Variants in UNC5D observed in about 807,000 individuals in gnomAD.
UNC5D encodes the protein netrin receptor UNC5D.
Under a neutral mutation model 105.4 loss-of-function variants are expected in UNC5D, and 39 were observed. The ratio of observed to expected loss-of-function variants is 0.37; its 90% CI spans 0.29 to 0.48. The LOEUF is 0.48. UNC5D is among the 20% of genes least tolerant of loss of function. The pLI, the probability that UNC5D is intolerant of heterozygous loss-of-function variation, is 0.98. For synonymous variants in UNC5D, 452 were observed against 450.4 expected (o/e 1.00, Z -0.04); for missense variants, 991 against 1,202.4 (o/e 0.82, Z 2.60).
intron 1 of UNC5D, among the ~76,000 whole-genome samples, chr8:35,456,820 G>A (rs1009790082): frequency 2.0e-5 from 3 of 152,136 alleles, no homozygotes; most frequent in Non-Finnish European, 4.4e-5. Flanking sequence ...AAGTTCTTTG[G>A]CTTGTTAGGA....
At chr8:35,734,776 CTTTA>C (rs1391801074) in intron 11 of UNC5D, among the ~76,000 whole-genome samples, 2 of 138,808 alleles carry the variant, frequency 1.4e-5, no homozygotes, top group Non-Finnish European at 3.0e-5. Context: ...ATTCTACACA[CTTTA>C]AATTTTTTTT....
chr8:35,344,943 G>T (rs1811698975), intron 1 of UNC5D, among the ~76,000 whole-genome samples: 1 of 152,024 alleles, frequency 6.6e-6, no homozygotes, highest in Non-Finnish European at 1.5e-5. Flanking sequence ...AAGTGGGTTT[G>T]TGCGCTTGTA....
At chr8:35,420,137 T>C (rs968140875) in intron 1 of UNC5D, among the ~76,000 whole-genome samples, 1 of 152,224 alleles carries the variant, frequency 6.6e-6, no homozygotes, top group Admixed American at 6.5e-5. Context: ...ACCAGGGACC[T>C]GTGCCTGCCT....
Position 35,544,542 on chromosome 8 carries a change from C to T in UNC5D, c.104-4750C>T, listed in dbSNP as rs1815501226. ...TCCTCCCAAACTTCACCAGGTAAGGCAGGAACAAACAGGAAAAAGGACAGT... is the reference window on the plus strand; with the variant it reads ...TCCTCCCAAACTTCACCAGGTAAGGTAGGAACAAACAGGAAAAAGGACAGT... On this transcript the variant is annotated intron_variant, in intron 1 of 16. Transcript: ENST00000404895. The T allele has an allele frequency of 2.5e-6, 4 of 1,608,426 alleles. No homozygotes were observed. The African/African-American group carries it at 4.1e-5, about 16-fold the overall frequency.
intron 4 of UNC5D, among the ~76,000 whole-genome samples, chr8:35,664,477 G>C (rs1253230821): frequency 6.6e-6 from 1 of 152,054 alleles, no homozygotes; most frequent in African/African-American, 2.4e-5. Flanking sequence ...CTGGGTTCAA[G>C]CAATTATCTT....
At chr8:35,788,473 T>C (rs13273386) in intron 16 of UNC5D, among the ~76,000 whole-genome samples, 9,968 of 152,248 alleles carry the variant, frequency 0.065, 475 homozygotes, top group Non-Finnish European at 0.11. Context: ...GTTGTCTTTG[T>C]CTTCGTCATA....
chr8:35,715,229 T>A (rs1828190381), intron 8 of UNC5D, among the ~76,000 whole-genome samples: 1 of 152,198 alleles, frequency 6.6e-6, no homozygotes, highest in Non-Finnish European at 1.5e-5. Context: ...GTACATTTTC[T>A]TAAAGGAAAG....
intron 1 of UNC5D, among the ~76,000 whole-genome samples, chr8:35,303,943 G>A (rs922603680): frequency 6.6e-6 from 1 of 152,028 alleles, no homozygotes; most frequent in Non-Finnish European, 1.5e-5. Flanking sequence ...TTGTCATGGT[G>A]CTTTTAATTT....
intron 13 of UNC5D, among the ~76,000 whole-genome samples, chr8:35,754,267 T>C (rs1830414132): frequency 6.6e-6 from 1 of 152,224 alleles, no homozygotes; most frequent in Non-Finnish European, 1.5e-5. Context: ...CAGTTTTTCA[T>C]GGAGCATTTC....
intron 16 of UNC5D, among the ~76,000 whole-genome samples, chr8:35,780,831 T>C (rs1323104105): frequency 6.6e-6 from 1 of 152,200 alleles, no homozygotes; most frequent in Non-Finnish European, 1.5e-5. Flanking sequence ...CTGTTTTAAG[T>C]AGTACTGAGA....
chr8:35,781,419 A>T (rs1041895309), intron 16 of UNC5D, among the ~76,000 whole-genome samples: 2 of 152,098 alleles, frequency 1.3e-5, no homozygotes, highest in Non-Finnish European at 2.9e-5. Context: ...GGGGTGTCGC[A>T]TTTCTTCTAG....
intron 1 of UNC5D, among the ~76,000 whole-genome samples, chr8:35,538,309 G>T (rs1012456118): frequency 1.9e-4 from 29 of 150,180 alleles, no homozygotes; most frequent in African/African-American, 7.1e-4. Context: ...CTTCTAGGTG[G>T]TGAAGTGATT....
intron 1 of UNC5D, among the ~76,000 whole-genome samples, chr8:35,404,737 G>A (rs1427619939): frequency 6.6e-6 from 1 of 152,106 alleles, no homozygotes; most frequent in East Asian, 1.9e-4. Context: ...ACAGGTGTCT[G>A]CCACCACTCC....
At chr8:35,422,661 G>T (rs1184798888) in intron 1 of UNC5D, among the ~76,000 whole-genome samples, 1 of 152,118 alleles carries the variant, frequency 6.6e-6, no homozygotes, top group Non-Finnish European at 1.5e-5. Context: ...TGAAAATTTG[G>T]ACATGGTTTG....
At chr8:35,633,341 A>G (rs1252970179) in intron 4 of UNC5D, among the ~76,000 whole-genome samples, 1 of 152,188 alleles carries the variant, frequency 6.6e-6, no homozygotes, top group Non-Finnish European at 1.5e-5. Context: ...TCTGATTTAC[A>G]ATGACCTTTT....
chr8:35,477,876 T>C (rs1321168269), intron 1 of UNC5D, among the ~76,000 whole-genome samples: 1 of 152,170 alleles, frequency 6.6e-6, no homozygotes, highest in Non-Finnish European at 1.5e-5. Flanking sequence ...TTTCTATTTA[T>C]ATTTTTTTCT....
At chr8:35,418,255 T>G (rs905594890) in intron 1 of UNC5D, among the ~76,000 whole-genome samples, 16 of 152,276 alleles carry the variant, frequency 1.1e-4, no homozygotes, top group African/African-American at 3.6e-4. Flanking sequence ...CCTCCCTGGG[T>G]TTGCTCACAG....
rs1255988728 is a variant in UNC5D at position 35,327,404 on chromosome 8, A to T, written c.103+91517A>T. Among the ~76,000 whole-genome samples the T allele has an allele frequency of 3.9e-5, 6 of 152,298 alleles. No homozygotes were observed. The East Asian group carries it at 7.7e-4, about 20-fold the overall frequency. The stretch of plus-strand genomic sequence containing the variant: ...CCCATCTCATGCCGATGACCCGTGC[A>T]TACCACTGGTGTCAATTTACTTCGA... On this transcript the variant is annotated intron_variant, in intron 1 of 16. Coordinates refer to ENST00000404895, the MANE Select transcript of UNC5D (RefSeq NM_080872.4).
At chr8:35,317,654 A>G (rs1195100479) in intron 1 of UNC5D, among the ~76,000 whole-genome samples, 1 of 152,122 alleles carries the variant, frequency 6.6e-6, no homozygotes, top group Non-Finnish European at 1.5e-5. Context: ...TCTTGCCTCC[A>G]TGGACCTGGG....
Sources: allele counts gnomAD v4.1 joint callset (sites outside exome capture counted in the v4.1 genomes callset), GRCh38; gene constraint gnomAD v4.1.1; transcripts MANE v1.5; gene names NCBI Gene and HGNC (gene_info 2026-07-23, HGNC 2026-07-21).